FAM193A: variants seen among roughly 807,000 people sequenced by gnomAD.
FAM193A encodes family with sequence similarity 193 member A, also known as protein FAM193A.
Under a neutral mutation model 126.5 loss-of-function variants are expected in FAM193A, and 22 were observed. The observed-to-expected ratio is 0.17, with a 90% CI of 0.12 to 0.25. FAM193A has a LOEUF of 0.25. Ranked by LOEUF, FAM193A falls within the 10% of genes least tolerant of loss-of-function variation. The probability of loss-of-function intolerance (pLI) is 1.00; values close to 1 mark genes in which losing one functional copy is unlikely to be tolerated. For synonymous variants in FAM193A, 761 were observed against 646.8 expected, an observed-to-expected ratio of 1.18 and a Z score of -2.68; for missense variants, 1,675 against 1,672.8, an observed-to-expected ratio of 1.00 and a Z score of -0.02.
chr4:2,579,294 A>G lies in FAM193A; in HGVS notation c.256-16790A>G, dbSNP rs938744135. On this transcript the variant is annotated intron_variant, in intron 1 of 20. Coordinates refer to ENST00000637812, the MANE Select transcript of FAM193A (RefSeq NM_001366318.2). ...TGGATCACTTGAGGTCAGGAGTTCA[A>G]GACCAGCCTGGCCAACATGGTGAAA... Among the ~76,000 whole-genome samples, 42 of 151,970 alleles carry G rather than the reference A, an allele frequency of 2.8e-4. 1 individual carries two copies. The highest frequency in any genetic ancestry group is 2.2e-4 in the Non-Finnish European group (15 of 67,994).
chr4:2,695,139 T>C lies in FAM193A; in HGVS notation c.3276+10T>C. ...CTTTGGGCACGGCGGGGTGAGTGCA[T>C]GAGGTCAGCGCATCATGATGTGGGA... is the stretch of plus-strand genomic sequence containing the variant. On this transcript the variant is annotated intron_variant, in intron 17 of 20. Transcript: ENST00000637812. 6.3e-7 allele frequency: 1 copy of C among 1,584,200 alleles called. No individual in the cohort carries two copies. The highest frequency in any genetic ancestry group is 1.1e-5 in the South Asian group (1 of 87,574).
At chr4:2,707,138 AGTT>A (rs951635088) in intron 19 of FAM193A, among the ~76,000 whole-genome samples, 2 of 152,010 alleles carry the variant, frequency 1.3e-5, no homozygotes, top group East Asian at 1.9e-4. Context: ...CAAAAAAAAA[AGTT>A]GTTGGTATCT....
At chr4:2,718,459 G>T (rs1448879839) in intron 20 of FAM193A, among the ~76,000 whole-genome samples, 2 of 152,068 alleles carry the variant, frequency 1.3e-5, no homozygotes, top group African/African-American at 2.4e-5. Context: ...GGGTGCTGTG[G>T]TTCATGCCTG....
At chr4:2,727,832 C>T (rs1246168646) in intron 20 of FAM193A, among the ~76,000 whole-genome samples, 1 of 151,972 alleles carries the variant, frequency 6.6e-6, no homozygotes, top group East Asian at 1.9e-4. Context: ...CCCCAAAAGA[C>T]TTTCTAAAAA....
At chr4:2,547,805 A>T (rs1399377680) in intron 1 of FAM193A, among the ~76,000 whole-genome samples, 3 of 150,484 alleles carry the variant, frequency 2.0e-5, no homozygotes, top group African/African-American at 7.3e-5. Flanking sequence ...TTGTAGTTTC[A>T]GTAGAGATGG....
rs376152277 is a variant in FAM193A, at chr4:2,693,423, G to C, written c.2804-163G>C. 4.6e-5 allele frequency among the ~76,000 whole-genome samples: 7 copies of C among 152,338 alleles called. No individual in the cohort carries two copies. The East Asian group carries it at 1.3e-3, about 29-fold the overall frequency. On this transcript the variant is annotated intron_variant, in intron 15 of 20. Coordinates refer to ENST00000637812, the MANE Select transcript of FAM193A (RefSeq NM_001366318.2). ...AGACGTTCGGCTAAAAAGTGTGTGT[G>C]CCTGTAAGAAATAAAGTTTATAAAT... is the stretch of plus-strand genomic sequence containing the variant.
At chr4:2,652,065 G>A (rs1745724572) in intron 7 of FAM193A, among the ~76,000 whole-genome samples, 1 of 152,166 alleles carries the variant, frequency 6.6e-6, no homozygotes, top group African/African-American at 2.4e-5. Context: ...TCATTTCAGG[G>A]ACACATCTGT....
In FAM193A at chr4:2,626,550, A is replaced by G. The variant is rs761065265; in HGVS notation, c.776A>G (p.Lys259Arg). 7.1e-6 allele frequency: 5 copies of G among 701,782 alleles called. No homozygotes were observed. Among genetic ancestry groups the G allele is most frequent in the South Asian group, 5.9e-5 (4 of 67,552 alleles). 43.5% of individuals were successfully genotyped at this position (701,782 alleles called of 1,614,324 possible). The change falls in exon 4 of 21, where the codon AAG (lysine) becomes AGG (arginine). Residue 259 changes from lysine (K) to arginine (R), a missense_variant. Around this residue, in one of 4 missense-constraint regions of FAM193A, gnomAD observed 1,186 missense variants for 1,109.2 expected, o/e 1.07. Transcript: ENST00000637812. ...CAGGACCAGTCTCTGGTGCCTGACA[A>G]GGAGGGAGTGAAGGAGCTCGTGGAT... is the stretch of plus-strand genomic sequence containing the variant. ...DDQDQSLVPD[K>R]EGVKELVDRL...
chr4:2,725,584 G>C lies in FAM193A; in HGVS notation c.4455-6191G>C, dbSNP rs141465841. Among the ~76,000 whole-genome samples, 453 of 151,630 alleles carry C rather than the reference G, an allele frequency of 3.0e-3. 3 individuals are homozygous for C. The highest frequency in any genetic ancestry group is 4.1e-3 in the Admixed American group (63 of 15,246). ...CTGTATTGTATAGACTCTAGATAGA[G>C]TGTGGCCAAAGTAGCTGTAAATTAA... On this transcript the variant is annotated intron_variant, in intron 20 of 20. Coordinates refer to ENST00000637812, the MANE Select transcript of FAM193A (RefSeq NM_001366318.2).
intron 12 of FAM193A, among the ~76,000 whole-genome samples, chr4:2,667,295 A>G (rs909943212): frequency 6.6e-6 from 1 of 152,174 alleles, no homozygotes; most frequent in Non-Finnish European, 1.5e-5. Flanking sequence ...ATCGCCTAAT[A>G]CCATCACTTT....
In FAM193A at chr4:2,663,199, C is replaced by T. The variant is rs762768515; in HGVS notation, c.1990C>T (p.Pro664Ser). ...GESSGEPPGAPKEDGVLGSRS... is the reference protein window; with the variant it reads ...GESSGEPPGASKEDGVLGSRS... ...GAGTAGTGGGGAGCCCCCAGGGGCCCCGAAGGAAGATGGAGTGCTGGGAAG... is the reference window on the plus strand; with the variant it reads ...GAGTAGTGGGGAGCCCCCAGGGGCCTCGAAGGAAGATGGAGTGCTGGGAAG... The change falls in exon 12 of 21, where the codon CCG becomes TCG. Residue 664 changes from proline (P) to serine (S), a missense_variant. Physicochemically the swap from Pro to Ser is moderately conservative, Grantham distance 74. Around this residue, in one of 4 missense-constraint regions of FAM193A, gnomAD observed 1,186 missense variants for 1,109.2 expected, o/e 1.07. Transcript: ENST00000637812. 2.2e-5 allele frequency: 35 copies of T among 1,613,948 alleles called. No individual in the cohort carries two copies. In the Admixed American group the frequency reaches 5.8e-4, roughly 27 times the overall value.
chr4:2,567,252 C>T (rs531299114), intron 1 of FAM193A, among the ~76,000 whole-genome samples: 73 of 148,478 alleles, frequency 4.9e-4, no homozygotes, highest in African/African-American at 1.7e-3. Flanking sequence ...CCGGCCTGAG[C>T]CACCACGCCC....
At chr4:2,670,774 C>T (rs752457697) in intron 12 of FAM193A, among the ~76,000 whole-genome samples, 1 of 152,118 alleles carries the variant, frequency 6.6e-6, no homozygotes, top group Admixed American at 6.6e-5. Context: ...TCATACTTCT[C>T]TTTAATCTTT....
chr4:2,628,560 C>T (rs917720112), intron 4 of FAM193A, among the ~76,000 whole-genome samples: 18 of 151,948 alleles, frequency 1.2e-4, no homozygotes, highest in Admixed American at 1.2e-3. Context: ...GCTCTTAAGC[C>T]CAGGAGTTCG....
intron 2 of FAM193A, among the ~76,000 whole-genome samples, chr4:2,602,438 T>A (rs537114588): frequency 6.8e-6 from 1 of 148,124 alleles, no homozygotes; most frequent in African/African-American, 2.5e-5. Context: ...CACTGAAACC[T>A]CCACCTCATA....
intron 19 of FAM193A, among the ~76,000 whole-genome samples, chr4:2,700,957 C>T (rs1008449515): frequency 2.6e-5 from 4 of 150,956 alleles, no homozygotes; most frequent in Admixed American, 1.3e-4. Context: ...AGAGAGACTC[C>T]ATCTCAAAAA....
At chr4:2,698,148 G>A (rs1040069218) in intron 18 of FAM193A, among the ~76,000 whole-genome samples, 3 of 152,248 alleles carry the variant, frequency 2.0e-5, no homozygotes, top group African/African-American at 7.2e-5. Flanking sequence ...TTGTTGAAGG[G>A]ACAGCAATAG....
At chr4:2,598,065 C>T (rs915267442) in intron 2 of FAM193A, among the ~76,000 whole-genome samples, 1 of 152,154 alleles carries the variant, frequency 6.6e-6, no homozygotes, top group African/African-American at 2.4e-5. Flanking sequence ...CCACCATGCC[C>T]AGCTAATTTT....
intron 4 of FAM193A, among the ~76,000 whole-genome samples, chr4:2,629,365 C>A (rs560691151): frequency 6.6e-6 from 1 of 152,210 alleles, no homozygotes; most frequent in South Asian, 2.1e-4. Context: ...TTTCAGAGGA[C>A]AGTTTTTTAT....
Sources: gnomAD v4.1 joint callset for allele counts (sites outside exome capture counted in the v4.1 genomes callset) on GRCh38, gnomAD v4.1.1 for gene constraint, gnomAD v4.1.1 regional missense constraint, MANE v1.5 for transcripts, NCBI Gene and HGNC (gene_info 2026-07-23, HGNC 2026-07-21) for gene names.